DEUP1: variants seen among roughly 807,000 people sequenced by gnomAD.
DEUP1 encodes deuterosome assembly protein 1, also known as coiled-coil domain containing 67.
A neutral mutation model predicts 87.4 loss-of-function variants in DEUP1; 82 were observed. The observed-to-expected ratio is 0.94, with a 90% CI of 0.78 to 1.13. DEUP1 has a LOEUF of 1.13. Among genes scored for constraint, DEUP1 ranks in the 50% most tolerant of loss-of-function variants. The pLI, the probability that DEUP1 is intolerant of heterozygous loss-of-function variation, is 0.00. For synonymous variants in DEUP1, 214 were observed against 222.7 expected (o/e 0.96, Z 0.35); for missense variants, 663 against 681.5 (o/e 0.97, Z 0.30).
intron 2 of DEUP1, among the ~76,000 whole-genome samples, chr11:93,339,167 A>G (rs1218047084): frequency 6.6e-6 from 1 of 152,258 alleles, no homozygotes; most frequent in East Asian, 1.9e-4. Flanking sequence ...GTTGCTTCTT[A>G]TAATAGAAAG....
chr11:93,369,532 A>G (rs972054308), intron 5 of DEUP1, among the ~76,000 whole-genome samples: 5 of 152,228 alleles, frequency 3.3e-5, no homozygotes, highest in Admixed American at 3.3e-4. Flanking sequence ...ATTTTTAACA[A>G]TAAGTGACAA....
intron 2 of DEUP1, among the ~76,000 whole-genome samples, chr11:93,350,789 A>C (rs890374968): frequency 6.6e-6 from 1 of 151,664 alleles, no homozygotes; most frequent in Non-Finnish European, 1.5e-5. Flanking sequence ...GTCTCTACTA[A>C]AAATAGAAAA....
At chr11:93,413,983 A>G (rs1947525161) in intron 12 of DEUP1, among the ~76,000 whole-genome samples, 1 of 152,206 alleles carries the variant, frequency 6.6e-6, no homozygotes, top group South Asian at 2.1e-4. Flanking sequence ...TAATAATAAT[A>G]ATACCTAATC....
chr11:93,352,849 C>T (rs1212844161), intron 2 of DEUP1, among the ~76,000 whole-genome samples: 1 of 152,130 alleles, frequency 6.6e-6, no homozygotes, highest in Non-Finnish European at 1.5e-5. Context: ...TACCTCCCCA[C>T]CCCAGGTCTC....
At position 93,409,017 on chromosome 11, in the gene DEUP1, C is replaced by T. The variant is rs1334431770; in HGVS notation, c.1523+590C>T. ...GACTACAGGCCCCCGCCACTACACC[C>T]GGATAATTTTTGTATTTTTAGTAGA... On this transcript the variant is annotated intron_variant, in intron 12 of 13. Coordinates refer to ENST00000298050, the MANE Select transcript of DEUP1 (RefSeq NM_181645.4). Among the ~76,000 whole-genome samples the T allele has an allele frequency of 2.0e-5, 3 of 152,108 alleles. No homozygotes were observed. The Middle Eastern group carries it at 0.01, about 517-fold the overall frequency.
rs769285199 is a variant in DEUP1, at chr11:93,408,426, A to C, written c.1522A>C (p.Arg508=). The C allele has an allele frequency of 3.9e-5, 60 of 1,530,782 alleles. No homozygotes were observed. The highest frequency in any genetic ancestry group is 5.0e-5 in the Non-Finnish European group (57 of 1,134,546). The allele number at this position is 1,530,782 out of a possible 1,614,324, so 94.8% of individuals were successfully genotyped here. Residue 508 remains arginine (R), a splice_region_variant and synonymous_variant, in exon 12 of 14, where the codon AGA becomes CGA. Transcript: ENST00000298050. ...SQIKVEQNEE[R]LSHDCEPNRS... is the part of the protein sequence containing the mutation. ...AATAAAAGTGGAACAAAATGAAGAG[A>C]GGTATGCTGGCTCCATTATATAAGG...
chr11:93,354,949 C>T lies in DEUP1; in HGVS notation c.30-422C>T, dbSNP rs193263756. Among the ~76,000 whole-genome samples the T allele has an allele frequency of 7.8e-4, 119 of 152,240 alleles. 1 individual carries two copies. Among genetic ancestry groups the T allele is most frequent in the Admixed American group, 7.2e-3 (110 of 15,288 alleles). ...GAGCCATACTATAGCCCAGTTGGTA[C>T]CCTTGAATCTCATCCTACCTAGCCC... On this transcript the variant is annotated intron_variant, in intron 2 of 13. Transcript: ENST00000298050.
At chr11:93,385,630 A>C in intron 8 of DEUP1, 87 bp downstream of exon 8, 1 of 1,038,280 alleles carries the variant, frequency 9.6e-7, no homozygotes, top group Non-Finnish European at 1.3e-6. Flanking sequence ...TGAAATGAGA[A>C]TATAAAGTCT....
intron 13 of DEUP1, among the ~76,000 whole-genome samples, chr11:93,434,911 G>C (rs1402205111): frequency 6.6e-6 from 1 of 152,184 alleles, no homozygotes; most frequent in African/African-American, 2.4e-5. Flanking sequence ...CCAAGCTGGT[G>C]CCTCAGCTTT....
intron 13 of DEUP1, among the ~76,000 whole-genome samples, chr11:93,416,114 A>G (rs1337036234): frequency 6.6e-6 from 1 of 152,170 alleles, no homozygotes; most frequent in East Asian, 1.9e-4. Flanking sequence ...CAAGTAGCGT[A>G]TAAGAGTTGT....
At chr11:93,356,192 G>A (rs1944885933) in intron 3 of DEUP1, among the ~76,000 whole-genome samples, 1 of 152,144 alleles carries the variant, frequency 6.6e-6, no homozygotes. Context: ...TAAAGGAAAT[G>A]TTTGCTAGTT....
At chr11:93,402,206 A>G (rs1258392716) in intron 11 of DEUP1, among the ~76,000 whole-genome samples, 1 of 152,106 alleles carries the variant, frequency 6.6e-6, no homozygotes, top group East Asian at 1.9e-4. Context: ...ATCTGAATAG[A>G]CATTTCTCAA....
chr11:93,414,527 TAAATA>T (rs1172117779), intron 12 of DEUP1, among the ~76,000 whole-genome samples: 4 of 151,822 alleles, frequency 2.6e-5, no homozygotes, highest in Admixed American at 1.3e-4. Flanking sequence ...AATAAATAAA[TAAATA>T]AAATAAAAGA....
chr11:93,413,645 A>G (rs932569462), intron 12 of DEUP1, among the ~76,000 whole-genome samples: 1 of 152,212 alleles, frequency 6.6e-6, no homozygotes, highest in Non-Finnish European at 1.5e-5. Context: ...ACTTTAGGAT[A>G]AATTGGTTTG....
chr11:93,337,280 T>TA (rs1366127122), intron 2 of DEUP1, among the ~76,000 whole-genome samples: 7 of 152,338 alleles, frequency 4.6e-5, no homozygotes, highest in African/African-American at 1.7e-4. Context: ...TTACTTTACT[T>TA]ACCAGGTTCT....
chr11:93,368,751 A>G (rs1442042547), intron 5 of DEUP1, among the ~76,000 whole-genome samples: 1 of 152,064 alleles, frequency 6.6e-6, no homozygotes, highest in East Asian at 1.9e-4. Context: ...CCTGACCAAC[A>G]TGGTGAAATG....
intron 13 of DEUP1, among the ~76,000 whole-genome samples, chr11:93,434,573 C>G (rs1948186918): frequency 6.6e-6 from 1 of 152,176 alleles, no homozygotes; most frequent in Non-Finnish European, 1.5e-5. Context: ...TGTGTCTGAT[C>G]TGTTGGCATG....
intron 2 of DEUP1, chr11:93,352,244 A>G: frequency 3.1e-6 from 2 of 654,188 alleles, no homozygotes; most frequent in East Asian, 5.5e-5. Flanking sequence ...CACTACCATC[A>G]TTGAAATGGA....
chr11:93,346,007 T>C (rs1021815694), intron 2 of DEUP1, among the ~76,000 whole-genome samples: 1 of 151,914 alleles, frequency 6.6e-6, no homozygotes, highest in African/African-American at 2.4e-5. Context: ...TTTAAGTCTT[T>C]AATACAGCTT....
Sources: gnomAD v4.1 joint callset for allele counts (sites outside exome capture counted in the v4.1 genomes callset) on GRCh38, gnomAD v4.1.1 for gene constraint, MANE v1.5 for transcripts, NCBI Gene and HGNC (gene_info 2026-07-23, HGNC 2026-07-21) for gene names.